Variants in SLC35F3 observed in about 807,000 individuals in gnomAD.
SLC35F3 encodes the protein solute carrier family 35 member F3.
Under a neutral mutation model 49.9 loss-of-function variants are expected in SLC35F3, and 25 were observed. The ratio of observed to expected loss-of-function variants is 0.50; its 90% confidence interval spans 0.37 to 0.70. SLC35F3 has a LOEUF of 0.70. Ranked by LOEUF, SLC35F3 falls within the 30% of genes least tolerant of loss-of-function variation. SLC35F3 has a pLI of 0.00. For synonymous variants in SLC35F3, 275 were observed against 265.4 expected (o/e 1.04, Z -0.35); for missense variants, 525 against 639.8 (o/e 0.82, Z 1.94).
intron 2 of SLC35F3, among the ~76,000 whole-genome samples, chr1:234,173,650 CA>C (rs141616863): frequency 2.6e-5 from 4 of 152,202 alleles, no homozygotes; most frequent in Non-Finnish European, 5.9e-5. Flanking sequence ...AAAGCAGCCA[CA>C]ATGTGGATTC....
rs1667995909 is a variant in SLC35F3, at chr1:234,267,177, G to A, written c.608+35436G>A. Among the ~76,000 whole-genome samples the A allele has an allele frequency of 2.2e-5, 3 of 134,356 alleles. No homozygotes were observed. In the South Asian group the frequency reaches 7.8e-4, roughly 35 times the overall value. The allele number at this position is 134,356 out of a possible 152,430, so 88.1% of individuals were successfully genotyped here. A position where few individuals can be genotyped will look rare whatever the true frequency, so the allele number is the denominator to read the frequency against. On this transcript the variant is annotated intron_variant, in intron 3 of 7. Transcript: ENST00000366618. ...CTGAGTGGACACAACACATGTTTCA[G>A]AGAGCACAGGGTTGGGGATAAGGTC...
At chr1:234,042,189 T>G (rs1664231239) in intron 2 of SLC35F3, among the ~76,000 whole-genome samples, 1 of 152,206 alleles carries the variant, frequency 6.6e-6, no homozygotes, top group Admixed American at 6.5e-5. Context: ...TAATAAGCAG[T>G]ATAATAAATA....
intron 5 of SLC35F3, 55 bp from the exon 6 acceptor site, chr1:234,318,696 C>T (rs1657548019): frequency 6.7e-7 from 1 of 1,498,244 alleles, no homozygotes; most frequent in Admixed American, 1.9e-5. Flanking sequence ...TTGCTTACAT[C>T]ATATTGGGGT....
intron 2 of SLC35F3, among the ~76,000 whole-genome samples, chr1:233,911,426 G>A (rs1251235213): frequency 1.3e-5 from 2 of 152,180 alleles, no homozygotes; most frequent in African/African-American, 2.4e-5. Flanking sequence ...AGGGCTTGAG[G>A]GGGTGGTGAG....
intron 3 of SLC35F3, among the ~76,000 whole-genome samples, chr1:234,287,353 T>C (rs1190868884): frequency 6.6e-6 from 1 of 152,154 alleles, no homozygotes; most frequent in African/African-American, 2.4e-5. Flanking sequence ...AGAGGTTAAA[T>C]AATTTACACA....
At chr1:234,282,150 G>A (rs1363658734) in intron 3 of SLC35F3, among the ~76,000 whole-genome samples, 1 of 152,204 alleles carries the variant, frequency 6.6e-6, no homozygotes, top group East Asian at 1.9e-4. Flanking sequence ...CTGCAGGAAA[G>A]AAATAGCCAT....
chr1:234,280,090 G>A (rs996250877), intron 3 of SLC35F3, among the ~76,000 whole-genome samples: 3 of 152,192 alleles, frequency 2.0e-5, no homozygotes, highest in Non-Finnish European at 4.4e-5. Context: ...GCCACACAGA[G>A]CCCTACCCTA....
rs113389959 is a variant in SLC35F3 at position 233,933,190 on chromosome 1, A to G, written c.283+27432A>G. On this transcript the variant is annotated intron_variant, in intron 2 of 7. Transcript: ENST00000366618. Reference sequence around the variant, plus strand: ...TAGTGAAGCACAGTTGGTTCATTTAAAAGTTTTATCTATGTTAATTGCAAG... The same window carrying G: ...TAGTGAAGCACAGTTGGTTCATTTAGAAGTTTTATCTATGTTAATTGCAAG... 8.2e-3 allele frequency among the ~76,000 whole-genome samples: 1,250 copies of G among 152,276 alleles called. 13 individuals are homozygous for G. The highest frequency in any genetic ancestry group is 0.028 in the African/African-American group (1,167 of 41,544).
intron 2 of SLC35F3, among the ~76,000 whole-genome samples, chr1:234,169,086 G>A (rs1572078855): frequency 6.6e-6 from 1 of 152,286 alleles, no homozygotes; most frequent in Non-Finnish European, 1.5e-5. Flanking sequence ...CGAGAATCAG[G>A]ACCCCCAGTG....
At chr1:233,996,510 C>G (rs1178708303) in intron 2 of SLC35F3, among the ~76,000 whole-genome samples, 1 of 151,250 alleles carries the variant, frequency 6.6e-6, no homozygotes, top group East Asian at 2.0e-4. Context: ...GAAAAGTGAG[C>G]TAAGAGACAT....
chr1:233,956,294 A>G (rs923914133), intron 2 of SLC35F3, among the ~76,000 whole-genome samples: 1 of 152,112 alleles, frequency 6.6e-6, no homozygotes, highest in Non-Finnish European at 1.5e-5. Flanking sequence ...AGCAAATATT[A>G]GGGCCAGATC....
chr1:234,110,426 C>T (rs1160559692), intron 2 of SLC35F3, among the ~76,000 whole-genome samples: 2 of 152,180 alleles, frequency 1.3e-5, no homozygotes, highest in Non-Finnish European at 1.5e-5. Context: ...TGGTGTCCTG[C>T]GGCAGAGGCC....
chr1:234,319,559 A>T (rs1440367963), intron 6 of SLC35F3, among the ~76,000 whole-genome samples: 1 of 151,474 alleles, frequency 6.6e-6, no homozygotes, highest in Admixed American at 6.6e-5. Flanking sequence ...AAAATTAGCC[A>T]GGTGCAGTGG....
At chr1:233,971,643 G>A (rs745714321) in intron 2 of SLC35F3, among the ~76,000 whole-genome samples, 3 of 151,682 alleles carry the variant, frequency 2.0e-5, no homozygotes, top group African/African-American at 4.8e-5. Flanking sequence ...GCTTGAACCC[G>A]GGAGGTGGAG....
intron 2 of SLC35F3, among the ~76,000 whole-genome samples, chr1:233,946,301 A>G (rs1348085653): frequency 6.6e-6 from 1 of 152,228 alleles, no homozygotes; most frequent in Non-Finnish European, 1.5e-5. Context: ...CCACAAATTC[A>G]GGATACATGT....
Position 234,046,513 on chromosome 1 carries a change from A to T in SLC35F3, c.283+140755A>T, listed in dbSNP as rs12142000. On this transcript the variant is annotated intron_variant, in intron 2 of 7. Coordinates refer to ENST00000366618, the MANE Select transcript of SLC35F3 (RefSeq NM_173508.4). The surrounding 1 kb of genome is among the most constrained non-coding windows in gnomAD (Gnocchi z 4.4). Reference sequence around the variant, plus strand: ...ATATAGTCTGGATAAATCCTTCGTCAATTATCTGTATTGCAAAATCTCCCT... The same window carrying T: ...ATATAGTCTGGATAAATCCTTCGTCTATTATCTGTATTGCAAAATCTCCCT... 0.13 allele frequency among the ~76,000 whole-genome samples: 19,984 copies of T among 152,022 alleles called. 1,628 individuals carry two copies. The highest frequency in any genetic ancestry group is 0.18 in the Non-Finnish European group (12,549 of 67,934).
chr1:234,279,186 A>G (rs1278477882), intron 3 of SLC35F3, among the ~76,000 whole-genome samples: 1 of 152,202 alleles, frequency 6.6e-6, no homozygotes, highest in Admixed American at 6.5e-5. Flanking sequence ...CTTCCAGGTC[A>G]TAGGCAGATA....
At chr1:233,945,151 TGACGTCAACCAGAAAA>T (rs909398664) in intron 2 of SLC35F3, among the ~76,000 whole-genome samples, 1 of 151,894 alleles carries the variant, frequency 6.6e-6, no homozygotes, top group Non-Finnish European at 1.5e-5. Flanking sequence ...TTGTGAGCCC[TGACGTCAACCAGAAAA>T]GGTGATTCAA....
chr1:234,015,012 G>A (rs981551829), intron 2 of SLC35F3, among the ~76,000 whole-genome samples: 2 of 152,190 alleles, frequency 1.3e-5, no homozygotes, highest in Non-Finnish European at 2.9e-5. Context: ...AATCCTGGAA[G>A]TCAAGATAAT....
Sources: gnomAD v4.1 joint callset for allele counts (sites outside exome capture counted in the v4.1 genomes callset) on GRCh38, gnomAD v4.1.1 for gene constraint, Gnocchi (gnomAD v3.1) non-coding constraint, MANE v1.5 for transcripts, NCBI Gene and HGNC (gene_info 2026-07-23, HGNC 2026-07-21) for gene names.